The following ARHGAP42 variants were observed in gnomAD, a reference collection of about 807,000 sequenced individuals.
The protein encoded by ARHGAP42 is rho GTPase-activating protein 42.
ARHGAP42 carries 63 observed loss-of-function variants against 125.0 expected under a neutral mutation model. The ratio of observed to expected loss-of-function variants is 0.50; its 90% CI spans 0.41 to 0.62. The LOEUF is 0.62. Ranked by LOEUF, ARHGAP42 falls within the 20% of genes least tolerant of loss-of-function variation. The pLI, the probability that ARHGAP42 is intolerant of heterozygous loss-of-function variation, is 0.00. For missense variants in ARHGAP42, 766 were observed against 1,024.2 expected (o/e 0.75, Z 3.44); for synonymous variants, 339 against 351.0 (o/e 0.97, Z 0.38).
At chr11:100,812,659 AG>A (rs1302387305) in intron 3 of ARHGAP42, among the ~76,000 whole-genome samples, 1 of 152,194 alleles carries the variant, frequency 6.6e-6, no homozygotes, top group Non-Finnish European at 1.5e-5. Context: ...AATGCTTTTC[AG>A]GTTGCCCAGA....
At chr11:100,883,102 T>G (rs1825081921) in intron 4 of ARHGAP42, among the ~76,000 whole-genome samples, 1 of 152,176 alleles carries the variant, frequency 6.6e-6, no homozygotes, top group South Asian at 2.1e-4. Context: ...AAATGATCTT[T>G]TGGATTGGAA....
chr11:100,984,115 T>C (rs1377504203), intron 22 of ARHGAP42, among the ~76,000 whole-genome samples: 1 of 123,800 alleles, frequency 8.1e-6, no homozygotes, highest in Non-Finnish European at 1.7e-5. Flanking sequence ...AGACCCTGTC[T>C]AAAAAAAAAA....
At chr11:100,751,524 A>T (rs2120353277) in intron 1 of ARHGAP42, among the ~76,000 whole-genome samples, 1 of 151,678 alleles carries the variant, frequency 6.6e-6, no homozygotes, top group South Asian at 2.1e-4. Flanking sequence ...TCAGACCAGC[A>T]GGAGAGGTGT....
intron 3 of ARHGAP42, among the ~76,000 whole-genome samples, chr11:100,808,447 G>C (rs1864054799): frequency 1.5e-5 from 2 of 136,148 alleles, no homozygotes; most frequent in East Asian, 2.2e-4. Context: ...CGCCCAGGCC[G>C]GACTGCGGAC....
chr11:100,722,807 G>C (rs633185), intron 1 of ARHGAP42, among the ~76,000 whole-genome samples: 108,518 of 152,108 alleles, frequency 0.71, 39,173 homozygotes, highest in African/African-American at 0.8. Flanking sequence ...TTAATGAAGT[G>C]CAACTTACCA....
intron 4 of ARHGAP42, among the ~76,000 whole-genome samples, chr11:100,890,524 A>C (rs1866192152): frequency 6.6e-6 from 1 of 152,164 alleles, no homozygotes; most frequent in South Asian, 2.1e-4. Context: ...ATAACCTCTT[A>C]AGGACCCCAA....
chr11:100,828,654 C>T (rs969347095), intron 3 of ARHGAP42, among the ~76,000 whole-genome samples: 20 of 151,700 alleles, frequency 1.3e-4, no homozygotes, highest in Non-Finnish European at 1.5e-5. Context: ...GGCCTACCTA[C>T]TATTAATTGT....
At chr11:100,888,898 C>T (rs1346618513) in intron 4 of ARHGAP42, among the ~76,000 whole-genome samples, 1 of 152,140 alleles carries the variant, frequency 6.6e-6, no homozygotes, top group African/African-American at 2.4e-5. Context: ...TGTATTTTCT[C>T]ATTTGTTTCC....
chr11:100,913,403 T>C (rs1409930661), intron 4 of ARHGAP42, 49 bp from the exon 5 acceptor site: 1 of 886,876 alleles, frequency 1.1e-6, no homozygotes, highest in Non-Finnish European at 1.5e-6. Flanking sequence ...GTCGGGGTTT[T>C]CTGGGTGCTC....
chr11:100,825,123 A>G (rs1238910948), intron 3 of ARHGAP42, among the ~76,000 whole-genome samples: 1 of 152,230 alleles, frequency 6.6e-6, no homozygotes, highest in Non-Finnish European at 1.5e-5. Context: ...AAAATTAACA[A>G]TGAGTAGCTC....
intron 18 of ARHGAP42, 89 bp from the exon 19 acceptor site, chr11:100,974,370 T>C: frequency 8.1e-7 from 1 of 1,227,980 alleles, no homozygotes; most frequent in Non-Finnish European, 1.1e-6. Context: ...TTGCAGCTGA[T>C]TAAGTAGCAT....
At chr11:100,929,809 T>C (rs1043581903) in intron 6 of ARHGAP42, among the ~76,000 whole-genome samples, 7 of 152,252 alleles carry the variant, frequency 4.6e-5, no homozygotes, top group African/African-American at 1.7e-4. Flanking sequence ...ACAAGCCCCT[T>C]ATGGGATAAA....
chr11:100,856,465 G>A (rs575332524), intron 3 of ARHGAP42, among the ~76,000 whole-genome samples: 13 of 152,050 alleles, frequency 8.5e-5, no homozygotes, highest in Non-Finnish European at 1.3e-4. Context: ...CTCACAAGCA[G>A]CCAAATTGGT....
At chr11:100,885,405 T>C (rs1866066885) in intron 4 of ARHGAP42, among the ~76,000 whole-genome samples, 1 of 152,210 alleles carries the variant, frequency 6.6e-6, no homozygotes, top group Non-Finnish European at 1.5e-5. Context: ...ATATAGCACT[T>C]CCCTTACTGC....
intron 4 of ARHGAP42, among the ~76,000 whole-genome samples, chr11:100,879,841 G>A (rs899902321): frequency 3.9e-5 from 6 of 152,128 alleles, no homozygotes; most frequent in Non-Finnish European, 5.9e-5. Context: ...TGAGAGGGTC[G>A]TTTGGCAAAA....
intron 3 of ARHGAP42, among the ~76,000 whole-genome samples, chr11:100,834,460 A>T (rs1438308699): frequency 6.6e-6 from 1 of 152,134 alleles, no homozygotes; most frequent in African/African-American, 2.4e-5. Flanking sequence ...GCTAGGGTGT[A>T]GCTTTAGTTT....
rs1444735184 is a variant in ARHGAP42 at position 100,905,719 on chromosome 11, G to C, written c.385-7733G>C. On this transcript the variant is annotated intron_variant, in intron 4 of 23. Coordinates refer to ENST00000298815, the MANE Select transcript of ARHGAP42 (RefSeq NM_152432.4). ...GGACCGGACACAGTGGCTCACACCT[G>C]TAATCCTACCACTTTGGGAGGTCGA... is the stretch of plus-strand genomic sequence containing the variant. Among the ~76,000 whole-genome samples, 4 of 152,142 alleles carry C rather than the reference G, an allele frequency of 2.6e-5. No homozygotes were observed. In the East Asian group the frequency reaches 5.8e-4, roughly 22 times the overall value.
intron 4 of ARHGAP42, among the ~76,000 whole-genome samples, chr11:100,898,580 G>A (rs1249350785): frequency 6.6e-6 from 1 of 152,118 alleles, no homozygotes; most frequent in Non-Finnish European, 1.5e-5. Context: ...GAGGGTGCAT[G>A]TGTTGAGGAA....
chr11:100,888,804 G>C (rs1866154985), intron 4 of ARHGAP42, among the ~76,000 whole-genome samples: 1 of 152,128 alleles, frequency 6.6e-6, no homozygotes, highest in African/African-American at 2.4e-5. Flanking sequence ...AAGTAATGGT[G>C]GTGATGGGCA....
Sources: allele counts gnomAD v4.1 joint callset (sites outside exome capture counted in the v4.1 genomes callset), GRCh38; gene constraint gnomAD v4.1.1; transcripts MANE v1.5; gene names NCBI Gene and HGNC (gene_info 2026-07-23, HGNC 2026-07-21).